Variants in FHOD3 observed in about 807,000 individuals in gnomAD.
The protein encoded by FHOD3 is formin homology 2 domain containing 3.
Under a neutral mutation model 173.0 loss-of-function variants are expected in FHOD3, and 90 were observed. The ratio of observed to expected loss-of-function variants is 0.52; its 90% CI spans 0.44 to 0.62. The LOEUF (loss-of-function observed/expected upper bound fraction) is 0.62, where lower values mean the gene tolerates loss of function less well. FHOD3 is among the 20% of genes least tolerant of loss of function. The probability of loss-of-function intolerance (pLI) is 0.00; values close to 1 mark genes in which losing one functional copy is unlikely to be tolerated. For missense variants in FHOD3, 1,945 were observed against 2,034.7 expected (o/e 0.96, Z 0.85); for synonymous variants, 828 against 823.0 (o/e 1.01, Z -0.10).
At chr18:36,485,157 TC>T (rs5824021) in intron 3 of FHOD3, among the ~76,000 whole-genome samples, 152,264 of 152,266 alleles carry the variant, frequency 1, 76,131 homozygotes, top group Middle Eastern at 1. Flanking sequence ...AGTTCCCCTT[TC>T]CCCACCCATA....
rs527360953 is a variant in FHOD3, at chr18:36,563,056, G to A, written c.512-13395G>A. Among the ~76,000 whole-genome samples, 81 of 152,302 alleles carry A rather than the reference G, an allele frequency of 5.3e-4. No individual in the cohort carries two copies. The Middle Eastern group carries it at 0.017, about 32-fold the overall frequency. ...CTCAGCAACGAGTCCCCTCAGGTAC[G>A]TGCTTCTAGACACAGAGTCTTCATG... is the stretch of plus-strand genomic sequence containing the variant. On this transcript the variant is annotated intron_variant, in intron 5 of 28. Coordinates refer to ENST00000590592, the MANE Select transcript of FHOD3 (RefSeq NM_001281740.3).
intron 5 of FHOD3, among the ~76,000 whole-genome samples, chr18:36,529,556 C>T (rs62082327): frequency 0.32 from 49,292 of 151,862 alleles, 9,007 homozygotes; most frequent in Non-Finnish European, 0.42. Context: ...CGGTGGCTCA[C>T]GCCTGTAATC....
intron 22 of FHOD3, among the ~76,000 whole-genome samples, 181 bp from the exon 23 acceptor site, chr18:36,743,851 T>A (rs2042025532): frequency 6.6e-6 from 1 of 152,156 alleles, no homozygotes; most frequent in Non-Finnish European, 1.5e-5. Context: ...GGCTCCCTCA[T>A]TCTCAGGGTG....
chr18:36,744,256 C>A, intron 23 of FHOD3, 63 bp downstream of exon 23: 2 of 1,544,670 alleles, frequency 1.3e-6, no homozygotes, highest in South Asian at 2.4e-5. Context: ...CTTTATCGGT[C>A]ATCCTCGAGG....
chr18:36,697,538 TTTTA>T (rs1229902594), intron 17 of FHOD3, among the ~76,000 whole-genome samples: 1 of 152,218 alleles, frequency 6.6e-6, no homozygotes, highest in Non-Finnish European at 1.5e-5. Flanking sequence ...ACTATATTAT[TTTTA>T]TTTATGTCAA....
At chr18:36,627,193 C>G (rs1599938259) in intron 10 of FHOD3, among the ~76,000 whole-genome samples, 2 of 152,280 alleles carry the variant, frequency 1.3e-5, no homozygotes, top group South Asian at 4.2e-4. Flanking sequence ...AGCTCTCTTC[C>G]AGCTGGCTTG....
At chr18:36,390,411 C>G (rs896061560) in intron 3 of FHOD3, among the ~76,000 whole-genome samples, 2 of 152,100 alleles carry the variant, frequency 1.3e-5, no homozygotes, top group Non-Finnish European at 2.9e-5. Context: ...TAAAATGTGA[C>G]TCTGTTTGGG....
At chr18:36,652,003 C>T (rs182133801) in intron 11 of FHOD3, among the ~76,000 whole-genome samples, 66 of 152,242 alleles carry the variant, frequency 4.3e-4, no homozygotes, top group Admixed American at 2.0e-4. Context: ...TTGTCCTGGC[C>T]CCTCTTTTTA....
intron 7 of FHOD3, 128 bp from the exon 8 acceptor site, chr18:36,602,546 A>G (rs1335462403): frequency 1.3e-6 from 1 of 748,258 alleles, no homozygotes; most frequent in Non-Finnish European, 2.4e-6. Flanking sequence ...ATAATGTCAC[A>G]CTTTGAAATT....
intron 19 of FHOD3, among the ~76,000 whole-genome samples, chr18:36,726,839 T>G (rs1365397469): frequency 1.3e-5 from 2 of 152,156 alleles, no homozygotes; most frequent in Non-Finnish European, 2.9e-5. Flanking sequence ...CATACCCAGC[T>G]AATTTTTGTA....
At chr18:36,340,524 A>G (rs2045556898) in intron 1 of FHOD3, among the ~76,000 whole-genome samples, 1 of 150,272 alleles carries the variant, frequency 6.7e-6, no homozygotes, top group South Asian at 2.1e-4. Context: ...CACATTTTCC[A>G]GTTGACCATG....
At chr18:36,516,811 C>T (rs189459046) in intron 5 of FHOD3, among the ~76,000 whole-genome samples, 64 of 152,282 alleles carry the variant, frequency 4.2e-4, no homozygotes, top group South Asian at 8.3e-4. Flanking sequence ...GTTAATTGTC[C>T]TAGTGTCTTG....
chr18:36,565,871 T>G (rs1168694038), intron 5 of FHOD3, among the ~76,000 whole-genome samples: 1 of 152,138 alleles, frequency 6.6e-6, no homozygotes, highest in Non-Finnish European at 1.5e-5. Flanking sequence ...GGACACTTGG[T>G]TTTTGAAACC....
chr18:36,588,740 G>A (rs2059119055), intron 6 of FHOD3, among the ~76,000 whole-genome samples: 1 of 152,192 alleles, frequency 6.6e-6, no homozygotes, highest in Admixed American at 6.5e-5. Flanking sequence ...ACGTGTAAAA[G>A]TATTAAGAGA....
chr18:36,386,345 G>A, intron 3 of FHOD3, among the ~76,000 whole-genome samples: 1 of 152,190 alleles, frequency 6.6e-6, no homozygotes, highest in Non-Finnish European at 1.5e-5. Context: ...TGATGTGGGT[G>A]GCCAGGGGTG....
intron 5 of FHOD3, among the ~76,000 whole-genome samples, chr18:36,559,208 A>G (rs1399801898): frequency 1.3e-5 from 2 of 152,154 alleles, no homozygotes; most frequent in East Asian, 1.9e-4. Flanking sequence ...GAAAAGCCCA[A>G]AAGATTTCAA....
At chr18:36,442,289 T>TC (rs548271012) in intron 3 of FHOD3, among the ~76,000 whole-genome samples, 6 of 152,206 alleles carry the variant, frequency 3.9e-5, no homozygotes, top group Non-Finnish European at 8.8e-5. Context: ...GATTTTTTTT[T>TC]CCTTTCAAGG....
At chr18:36,695,164 G>T (rs2039201723) in intron 17 of FHOD3, among the ~76,000 whole-genome samples, 3 of 150,798 alleles carry the variant, frequency 2.0e-5, no homozygotes, top group Admixed American at 1.3e-4. Flanking sequence ...CCAACGTGGA[G>T]AAAACCGGTC....
intron 25 of FHOD3, 113 bp from the exon 26 acceptor site, chr18:36,759,005 T>G: frequency 8.3e-7 from 1 of 1,202,570 alleles, no homozygotes; most frequent in Non-Finnish European, 1.2e-6. Context: ...TGGTGACCAG[T>G]TTATTTACTT....
Sources: gnomAD v4.1 joint callset for allele counts (sites outside exome capture counted in the v4.1 genomes callset) on GRCh38, gnomAD v4.1.1 for gene constraint, MANE v1.5 for transcripts, NCBI Gene and HGNC (gene_info 2026-07-23, HGNC 2026-07-21) for gene names.